The following SNX13 variants were observed in gnomAD, a reference collection of about 807,000 sequenced individuals.
SNX13 encodes the protein sorting nexin 13.
SNX13 carries 45 observed loss-of-function variants against 133.6 expected under a neutral mutation model. The observed-to-expected ratio is 0.34, with a 90% CI of 0.27 to 0.43. The LOEUF (loss-of-function observed/expected upper bound fraction) is 0.43, where lower values mean the gene tolerates loss of function less well. SNX13 is among the 20% of genes least tolerant of loss of function. The pLI is 1.00. For missense variants in SNX13, 1,032 were observed against 1,145.1 expected (o/e 0.90, Z 1.43); for synonymous variants, 414 against 373.9 (o/e 1.11, Z -1.24).
intron 22 of SNX13, among the ~76,000 whole-genome samples, chr7:17,801,009 CATATAT>C (rs71010273): frequency 7.1e-4 from 85 of 119,970 alleles, no homozygotes; most frequent in Non-Finnish European, 9.2e-4. Flanking sequence ...TAAAACTGAA[CATATAT>C]ATATATATAT....
intron 1 of SNX13, among the ~76,000 whole-genome samples, chr7:17,909,773 A>T (rs112522829): frequency 2.1e-4 from 32 of 152,320 alleles, no homozygotes; most frequent in African/African-American, 7.7e-4. Context: ...GCTGGGCTTA[A>T]TACCCAGGTG....
intron 9 of SNX13, among the ~76,000 whole-genome samples, chr7:17,856,533 T>G (rs552195261): frequency 6.6e-6 from 1 of 152,040 alleles, no homozygotes; most frequent in South Asian, 2.1e-4. Context: ...TGGCTCACAC[T>G]TGTAATCCCA....
intron 5 of SNX13, among the ~76,000 whole-genome samples, chr7:17,876,224 A>G (rs564254460): frequency 7.2e-5 from 11 of 152,300 alleles, no homozygotes; most frequent in African/African-American, 2.6e-4. Context: ...AATTCTCCAC[A>G]TTCATCTTTT....
intron 2 of SNX13, among the ~76,000 whole-genome samples, chr7:17,896,942 T>C (rs941680587): frequency 6.6e-6 from 1 of 152,146 alleles, no homozygotes; most frequent in African/African-American, 2.4e-5. Context: ...TTGTTTGAAG[T>C]CTAATCACAA....
At chr7:17,801,804 G>A in intron 21 of SNX13, 145 bp from the exon 22 acceptor site, 1 of 524,836 alleles carries the variant, frequency 1.9e-6, no homozygotes, top group Non-Finnish European at 3.3e-6. Context: ...CTAAAATTTG[G>A]AACCAAATAT....
In SNX13 at chr7:17,940,338, A is replaced by G. The variant is rs1249034816; in HGVS notation, c.-43T>C. ...GTGAGGTCCTCCCTAGCCTCGCCTC[A>G]TGGCAACAGCCGTAGCAGCAGCGAA... On this transcript the variant is annotated 5_prime_UTR_variant, in exon 1 of 26. The change abolishes an upstream ATG in the 5' untranslated region. Transcript: ENST00000428135. 10 of 1,559,486 alleles carry G rather than the reference A, an allele frequency of 6.4e-6. No homozygotes were observed. The highest frequency in any genetic ancestry group is 1.2e-5 in the South Asian group (1 of 84,476).
intron 15 of SNX13, chr7:17,831,785 C>CA (rs1562720984): frequency 3.1e-6 from 3 of 983,134 alleles, no homozygotes; most frequent in African/African-American, 1.8e-5. Context: ...TAATTTATAA[C>CA]AAAAAAAGTG....
rs1783621926 is a variant in SNX13 at position 17,792,263 on chromosome 7, G to T, written c.*1782C>A. 1 of 151,882 alleles carries T rather than the reference G, an allele frequency of 6.6e-6. No homozygotes were observed. Among genetic ancestry groups the T allele is most frequent in the Non-Finnish European group, 1.5e-5 (1 of 67,880 alleles). 9.4% of individuals were successfully genotyped at this position (151,882 alleles called of 1,614,324 possible). A position where few individuals can be genotyped will look rare whatever the true frequency, so the allele number is the denominator to read the frequency against. Reference sequence around the variant, plus strand: ...TTCACTTTTAAAGCCTGGGGCTCAGGGAGGGGCCAAGGCAGGGAGACACCC... The same window carrying T: ...TTCACTTTTAAAGCCTGGGGCTCAGTGAGGGGCCAAGGCAGGGAGACACCC... On this transcript the variant is annotated 3_prime_UTR_variant, in exon 26 of 26. Coordinates refer to ENST00000428135, the MANE Select transcript of SNX13 (RefSeq NM_015132.5).
At chr7:17,875,363 C>A in intron 7 of SNX13, 117 bp downstream of exon 7, 1 of 692,934 alleles carries the variant, frequency 1.4e-6, no homozygotes, top group African/African-American at 1.8e-5. Flanking sequence ...TGAATAGCAT[C>A]TTTACTATGC....
chr7:17,815,751 T>C (rs998163319), intron 19 of SNX13, among the ~76,000 whole-genome samples: 1 of 152,212 alleles, frequency 6.6e-6, no homozygotes, highest in African/African-American at 2.4e-5. Flanking sequence ...AGTTTTGACA[T>C]ACTGAGTTCA....
chr7:17,846,316 A>T (rs1229737159), intron 11 of SNX13, among the ~76,000 whole-genome samples: 2 of 152,152 alleles, frequency 1.3e-5, no homozygotes, highest in Non-Finnish European at 2.9e-5. Context: ...GGCTAGTTAC[A>T]TTACAGATAT....
intron 11 of SNX13, among the ~76,000 whole-genome samples, chr7:17,848,046 C>T (rs1790756511): frequency 6.6e-6 from 1 of 152,086 alleles, no homozygotes; most frequent in Admixed American, 6.6e-5. Context: ...CCCTGTTTTC[C>T]TGCTCGAATG....
rs772458913 is a variant in SNX13, at chr7:17,805,255, G to GTGTGCGCGCGCGCA, written c.2065-1676_2065-1675insTGCGCGCGCGCACA. ...TGTGTGTGTGTGTGTGTGTGTGCGT[G>GTGTGCGCGCGCGCA]CGCGCGCGCGCATGCATGCACATGT... On this transcript the variant is annotated intron_variant, in intron 20 of 25. Coordinates refer to ENST00000428135, the MANE Select transcript of SNX13 (RefSeq NM_015132.5). 6.6e-4 allele frequency among the ~76,000 whole-genome samples: 57 copies of GTGTGCGCGCGCGCA among 86,824 alleles called. 1 individual carries two copies. Among genetic ancestry groups the GTGTGCGCGCGCGCA allele is most frequent in the South Asian group, 4.7e-3 (16 of 3,414 alleles). The allele number at this position is 86,824 out of a possible 152,430, so 57.0% of individuals were successfully genotyped here.
At chr7:17,805,047 T>C (rs1785035771) in intron 20 of SNX13, among the ~76,000 whole-genome samples, 1 of 152,186 alleles carries the variant, frequency 6.6e-6, no homozygotes, top group Non-Finnish European at 1.5e-5. Flanking sequence ...ATAGATATGC[T>C]TGACGGAACA....
In SNX13 at chr7:17,791,128, T is replaced by A. The variant is rs1783495254; in HGVS notation, c.*2917A>T. The A allele has an allele frequency of 6.6e-6, 1 of 152,062 alleles. No homozygotes were observed. Among genetic ancestry groups the A allele is most frequent in the Non-Finnish European group, 1.5e-5 (1 of 67,924 alleles). 9.4% of individuals were successfully genotyped at this position (152,062 alleles called of 1,614,324 possible). Reference sequence around the variant, plus strand: ...GCAGCAACAACGGAATGTAAGTTGTTGGATTAAGAAGACAGTTTAAGCTAC... The same window carrying A: ...GCAGCAACAACGGAATGTAAGTTGTAGGATTAAGAAGACAGTTTAAGCTAC... On this transcript the variant is annotated 3_prime_UTR_variant, in exon 26 of 26. Coordinates refer to ENST00000428135, the MANE Select transcript of SNX13 (RefSeq NM_015132.5).
rs1791127136 is a variant in SNX13 at position 17,850,949 on chromosome 7, A to G, written c.853T>C (p.Cys285Arg). The G allele has an allele frequency of 1.2e-6, 2 of 1,604,938 alleles. No homozygotes were observed. The highest frequency in any genetic ancestry group is 2.7e-5 in the African/African-American group (2 of 74,384). The part of the protein sequence containing the change: ...YVIWMIRDSN[C>R]NYEAFMNIIK... ...ATGTTCATAAAGGCCTCATAGTTGCAGTTAGAATCACGGATCTGAAAACAA... is the reference window on the plus strand; with the variant it reads ...ATGTTCATAAAGGCCTCATAGTTGCGGTTAGAATCACGGATCTGAAAACAA... The change falls in exon 10 of 26, where the codon TGC becomes CGC. Residue 285 changes from cysteine (C) to arginine (R), a missense_variant. By Grantham distance (180) the Cys-to-Arg change is radical (BLOSUM62 -3). Coordinates refer to ENST00000428135, the MANE Select transcript of SNX13 (RefSeq NM_015132.5).
At position 17,875,745 on chromosome 7, in the gene SNX13, T is replaced by C. The variant is rs768305140; in HGVS notation, c.486A>G (p.Val162=). ...CTCGTAAGTGTGTGCCAAAGTCATC[T>C]ACAATGCGTGTAGTAAAATAAGGTT... ...DWQPYFTTRI[V]DDFGTHLRVF... Residue 162 remains valine (V), a synonymous_variant, in exon 6 of 26, where the codon GTA becomes GTG. Transcript: ENST00000428135. 1.2e-6 allele frequency: 2 copies of C among 1,612,150 alleles called. No individual in the cohort carries two copies. The highest frequency in any genetic ancestry group is 2.2e-5 in the South Asian group (2 of 90,772).
intron 1 of SNX13, among the ~76,000 whole-genome samples, chr7:17,937,722 T>G (rs1423187324): frequency 6.6e-6 from 1 of 152,196 alleles, no homozygotes; most frequent in South Asian, 2.1e-4. Context: ...AAGCACACAA[T>G]GTGGAATAAG....
At chr7:17,830,100 C>T in intron 15 of SNX13, 53 bp from the exon 16 acceptor site, 1 of 1,378,430 alleles carries the variant, frequency 7.3e-7, no homozygotes, top group Non-Finnish European at 9.6e-7. Context: ...AAAACGGTTG[C>T]TTTATCTAAG....
Sources: allele counts gnomAD v4.1 joint callset (sites outside exome capture counted in the v4.1 genomes callset), GRCh38; gene constraint gnomAD v4.1.1; transcripts MANE v1.5; gene names NCBI Gene and HGNC (gene_info 2026-07-23, HGNC 2026-07-21).